RNF115: variants seen among roughly 807,000 people sequenced by gnomAD.
RNF115 encodes the protein ring finger protein 115.
A neutral mutation model predicts 39.2 loss-of-function variants in RNF115; 31 were observed. The observed-to-expected ratio is 0.79, with a 90% CI of 0.59 to 1.07. The LOEUF is 1.07. Among genes scored for constraint, RNF115 ranks in the 50% least tolerant of loss-of-function variants. RNF115 has a pLI of 0.00. For missense variants in RNF115, 384 were observed against 381.7 expected, an observed-to-expected ratio of 1.01 and a Z score of -0.05; for synonymous variants, 124 against 131.0, an observed-to-expected ratio of 0.95 and a Z score of 0.37.
At chr1:145,750,316 G>T in intron 7 of RNF115, 91 bp downstream of exon 7, 2 of 994,138 alleles carry the variant, frequency 2.0e-6, no homozygotes, top group East Asian at 2.6e-5. Flanking sequence ...TTTTTATTTT[G>T]TTCACTTTTT....
chr1:145,794,071 T>G (rs1238004704), intron 1 of RNF115, among the ~76,000 whole-genome samples: 1 of 152,154 alleles, frequency 6.6e-6, no homozygotes, highest in Non-Finnish European at 1.5e-5. Context: ...CTCGAACTCC[T>G]GACCTCGAGT....
At chr1:145,782,456 A>AACAC (rs370264320) in intron 3 of RNF115, among the ~76,000 whole-genome samples, 11 of 151,654 alleles carry the variant, frequency 7.3e-5, no homozygotes, top group African/African-American at 2.4e-4. Context: ...ATCTCTTAAA[A>AACAC]ACACACACAC....
Position 145,824,080 on chromosome 1 carries a change from C to T in RNF115, c.-207G>A. On this transcript the variant is annotated 5_prime_UTR_variant, in exon 1 of 9. Transcript: ENST00000582693. ...GGCCCGCCTCCCAGCACCAAAGAGG[C>T]GCAGGAAGGAGAGACAAACGGCCCG... 1 of 471,082 alleles carries T rather than the reference C, an allele frequency of 2.1e-6. No homozygotes were observed. Among genetic ancestry groups the T allele is most frequent in the Non-Finnish European group, 3.7e-6 (1 of 269,370 alleles). The allele number at this position is 471,082 out of a possible 1,614,324, so 29.2% of individuals were successfully genotyped here.
chr1:145,760,278 G>T (rs1658449388), intron 4 of RNF115, among the ~76,000 whole-genome samples: 1 of 152,142 alleles, frequency 6.6e-6, no homozygotes, highest in Non-Finnish European at 1.5e-5. Flanking sequence ...AAAATTAGCT[G>T]GGCCTAGTGC....
chr1:145,746,677 G>T lies in RNF115; in HGVS notation c.*189C>A. On this transcript the variant is annotated 3_prime_UTR_variant, in exon 9 of 9. Transcript: ENST00000582693. Reference sequence around the variant, plus strand: ...CTGAATTCAGGGATAAGAGGCATTTGGTTGTAGATACAATTCCATCTGTAG... The same window carrying T: ...CTGAATTCAGGGATAAGAGGCATTTTGTTGTAGATACAATTCCATCTGTAG... 1.8e-6 allele frequency: 1 copy of T among 568,690 alleles called. No individual in the cohort carries two copies. Among genetic ancestry groups the T allele is most frequent in the Non-Finnish European group, 3.0e-6 (1 of 330,876 alleles). The allele number at this position is 568,690 out of a possible 1,614,324, so 35.2% of individuals were successfully genotyped here. A position where few individuals can be genotyped will look rare whatever the true frequency, so the allele number is the denominator to read the frequency against.
At chr1:145,756,075 A>C (rs2101476652) in intron 4 of RNF115, among the ~76,000 whole-genome samples, 1 of 152,296 alleles carries the variant, frequency 6.6e-6, no homozygotes, top group South Asian at 2.1e-4. Context: ...CACTAAAATT[A>C]AGAGATTTCA....
intron 3 of RNF115, among the ~76,000 whole-genome samples, chr1:145,783,434 G>C (rs950452567): frequency 6.6e-6 from 1 of 152,068 alleles, no homozygotes; most frequent in Non-Finnish European, 1.5e-5. Context: ...AAATAATAAG[G>C]GAGAGAAGCT....
At chr1:145,795,980 A>G (rs979607932) in intron 1 of RNF115, among the ~76,000 whole-genome samples, 3 of 152,226 alleles carry the variant, frequency 2.0e-5, no homozygotes, top group Admixed American at 1.3e-4. Context: ...ATCAAAGTAA[A>G]AAATGCACAT....
chr1:145,796,024 G>A (rs929301416), intron 1 of RNF115, among the ~76,000 whole-genome samples: 5 of 152,072 alleles, frequency 3.3e-5, no homozygotes, highest in African/African-American at 7.2e-5. Context: ...AACAAAGTCT[G>A]GTCTCAAAAA....
At chr1:145,794,052 C>T (rs1553719398) in intron 1 of RNF115, among the ~76,000 whole-genome samples, 1 of 152,054 alleles carries the variant, frequency 6.6e-6, no homozygotes, top group Non-Finnish European at 1.5e-5. Flanking sequence ...CCACGATGGC[C>T]AGGCTGGTCT....
intron 1 of RNF115, among the ~76,000 whole-genome samples, chr1:145,804,101 CTT>C (rs1649365166): frequency 6.6e-6 from 1 of 152,170 alleles, no homozygotes; most frequent in Non-Finnish European, 1.5e-5. Flanking sequence ...TACTTTCTTG[CTT>C]TTAGCTTAGG....
intron 3 of RNF115, among the ~76,000 whole-genome samples, chr1:145,780,133 T>C (rs1221219883): frequency 1.3e-5 from 2 of 151,190 alleles, no homozygotes; most frequent in Non-Finnish European, 3.0e-5. Context: ...GAGGCTGAGG[T>C]GAGAGAATCA....
chr1:145,781,644 G>A (rs1648152330), intron 3 of RNF115, among the ~76,000 whole-genome samples: 1 of 152,120 alleles, frequency 6.6e-6, no homozygotes, highest in Admixed American at 6.6e-5. Flanking sequence ...ATCCCTATGA[G>A]GGAAGGATGA....
intron 4 of RNF115, among the ~76,000 whole-genome samples, chr1:145,761,201 A>C (rs1286817420): frequency 3.3e-5 from 5 of 152,204 alleles, no homozygotes; most frequent in Non-Finnish European, 5.9e-5. Flanking sequence ...AGCCTATGTG[A>C]CAAAAAAGAA....
chr1:145,789,062 T>G, intron 1 of RNF115, 96 bp from the exon 2 acceptor site: 1 of 748,096 alleles, frequency 1.3e-6, no homozygotes. Flanking sequence ...AAGCTGAGGC[T>G]CTGAAATGTT....
rs587638213 is a variant in RNF115 at position 145,745,362 on chromosome 1, C to T, written c.*1504G>A. ...TTGGTAGGCTGAGGTGGGAGGATCA[C>T]TTGAGCCTGGGAGGTCGAGGCTGTG... On this transcript the variant is annotated 3_prime_UTR_variant, in exon 9 of 9. Coordinates refer to ENST00000582693, the MANE Select transcript of RNF115 (RefSeq NM_014455.4). 1 of 152,332 alleles carries T rather than the reference C, an allele frequency of 6.6e-6. No homozygotes were observed. Among genetic ancestry groups the T allele is most frequent in the East Asian group, 1.9e-4 (1 of 5,162 alleles). 9.4% of individuals were successfully genotyped at this position (152,332 alleles called of 1,614,324 possible). A position where few individuals can be genotyped will look rare whatever the true frequency, so the allele number is the denominator to read the frequency against.
At chr1:145,759,469 CTTCT>C (rs1658422279) in intron 4 of RNF115, among the ~76,000 whole-genome samples, 1 of 152,136 alleles carries the variant, frequency 6.6e-6, no homozygotes, top group Admixed American at 6.5e-5. Flanking sequence ...TGTCATAACT[CTTCT>C]TTCTGTTACA....
intron 4 of RNF115, among the ~76,000 whole-genome samples, chr1:145,767,527 G>A (rs1375040520): frequency 1.3e-5 from 2 of 151,722 alleles, no homozygotes; most frequent in East Asian, 2.0e-4. Flanking sequence ...CATCCCAGAC[G>A]ATGGGCGGCC....
At chr1:145,768,701 C>A (rs587693761) in intron 4 of RNF115, among the ~76,000 whole-genome samples, 16 of 152,254 alleles carry the variant, frequency 1.1e-4, no homozygotes, top group Non-Finnish European at 2.2e-4. Flanking sequence ...AAGTGGAATG[C>A]CCATATGCTC....
Sources: gnomAD v4.1 joint callset for allele counts (sites outside exome capture counted in the v4.1 genomes callset) on GRCh38, gnomAD v4.1.1 for gene constraint, MANE v1.5 for transcripts, NCBI Gene and HGNC (gene_info 2026-07-23, HGNC 2026-07-21) for gene names.